LHFPL3: variants seen among roughly 807,000 people sequenced by gnomAD.
The protein encoded by LHFPL3 is LHFPL tetraspan subfamily member 3.
LHFPL3 carries 5 observed loss-of-function variants against 19.3 expected under a neutral mutation model. That is an observed-to-expected ratio of 0.26 (90% confidence interval 0.14 to 0.54). The LOEUF is 0.54. Ranked by LOEUF, LHFPL3 falls within the 20% of genes least tolerant of loss-of-function variation. LHFPL3 has a pLI of 0.94. For synonymous variants in LHFPL3, 133 were observed against 126.2 expected (o/e 1.05, Z -0.36); for missense variants, 249 against 307.4 (o/e 0.81, Z 1.42).
At chr7:104,474,746 A>G (rs1792978945) in intron 1 of LHFPL3, among the ~76,000 whole-genome samples, 1 of 151,994 alleles carries the variant, frequency 6.6e-6, no homozygotes, top group Non-Finnish European at 1.5e-5. Flanking sequence ...CAGCTTCAGA[A>G]TAGGGGATGT....
chr7:104,796,146 G>A (rs1562795831), intron 2 of LHFPL3, among the ~76,000 whole-genome samples: 1 of 152,200 alleles, frequency 6.6e-6, no homozygotes, highest in East Asian at 1.9e-4. Context: ...GCAGCCCCAA[G>A]TTAGGGCTCG....
chr7:104,401,043 A>G (rs1009611337), intron 1 of LHFPL3, among the ~76,000 whole-genome samples: 2 of 152,226 alleles, frequency 1.3e-5, no homozygotes, highest in Non-Finnish European at 2.9e-5. Flanking sequence ...GCTATAAGGA[A>G]TGGCCTAAGA....
chr7:104,772,225 TC>T (rs1026091883), intron 2 of LHFPL3, among the ~76,000 whole-genome samples: 18 of 152,098 alleles, frequency 1.2e-4, no homozygotes, highest in Non-Finnish European at 2.9e-5. Context: ...ATTCTTATTC[TC>T]CCAACCCAGA....
At chr7:104,845,137 C>T (rs552669554) in intron 2 of LHFPL3, among the ~76,000 whole-genome samples, 5 of 152,234 alleles carry the variant, frequency 3.3e-5, no homozygotes, top group African/African-American at 4.8e-5. Flanking sequence ...AACCACAGCA[C>T]GGGAAGGTAA....
intron 1 of LHFPL3, among the ~76,000 whole-genome samples, chr7:104,490,779 T>G (rs1204008143): frequency 1.3e-5 from 2 of 152,234 alleles, no homozygotes; most frequent in Non-Finnish European, 2.9e-5. Flanking sequence ...TAGGGCAATG[T>G]GTAATATGAA....
At chr7:104,623,240 C>T (rs1312713168) in intron 1 of LHFPL3, among the ~76,000 whole-genome samples, 1 of 151,084 alleles carries the variant, frequency 6.6e-6, no homozygotes, top group Non-Finnish European at 1.5e-5. Flanking sequence ...TTTTGCAATG[C>T]AATCTTGATA....
Position 104,558,793 on chromosome 7 carries a change from T to C in LHFPL3, c.446-177882T>C, listed in dbSNP as rs963388900. 1.4e-3 allele frequency among the ~76,000 whole-genome samples: 208 copies of C among 146,416 alleles called. 12 individuals are homozygous for C. The highest frequency in any genetic ancestry group is 5.6e-3 in the African/African-American group (204 of 36,732). On this transcript the variant is annotated intron_variant, in intron 1 of 2. Coordinates refer to ENST00000424859, the MANE Select transcript of LHFPL3 (RefSeq NM_199000.3). ...GAATGGTATTGCCTAGGTTTTCTTC[T>C]AGGGTTTTTATGGTTTTAGGTCTAA...
chr7:104,563,204 C>T (rs2115957424), intron 1 of LHFPL3, among the ~76,000 whole-genome samples: 1 of 152,394 alleles, frequency 6.6e-6, no homozygotes, highest in East Asian at 1.9e-4. Flanking sequence ...CTGTGGTGGG[C>T]TCCACCCAGT....
At chr7:104,737,029 T>G in intron 2 of LHFPL3, 118 bp downstream of exon 2, 1 of 724,498 alleles carries the variant, frequency 1.4e-6, no homozygotes, top group South Asian at 1.8e-5. Flanking sequence ...CTGCCTCTTT[T>G]AATACCGTGT....
rs2116490858 is a variant in LHFPL3, at chr7:104,399,799, A to G, written c.445+70575A>G. Among the ~76,000 whole-genome samples, 1 of 151,644 alleles carries G rather than the reference A, an allele frequency of 6.6e-6. No homozygotes were observed. Among genetic ancestry groups the G allele is most frequent in the Admixed American group, 6.6e-5 (1 of 15,220 alleles). On this transcript the variant is annotated intron_variant, in intron 1 of 2. Coordinates refer to ENST00000424859, the MANE Select transcript of LHFPL3 (RefSeq NM_199000.3). This position sits in a 1 kb window ranked among gnomAD's most constrained non-coding sequence, Gnocchi z 4.4. ...ATGTTCTTCTGTCCTTAAGGTAATT[A>G]TGTTACCATGGAAGTGGCCCCAAAG... is the stretch of plus-strand genomic sequence containing the variant.
intron 2 of LHFPL3, chr7:104,785,820 T>C (rs893879646): frequency 6.6e-6 from 1 of 152,250 alleles, no homozygotes; most frequent in African/African-American, 2.4e-5. Context: ...GCTTTACTGC[T>C]CAAACCTTGA....
intron 1 of LHFPL3, among the ~76,000 whole-genome samples, chr7:104,620,440 T>C (rs1791424131): frequency 6.6e-6 from 1 of 152,268 alleles, no homozygotes. Context: ...CTTGCTTCAT[T>C]GACAAATAGT....
At chr7:104,900,733 G>A (rs1000651986) in intron 2 of LHFPL3, among the ~76,000 whole-genome samples, 2 of 152,148 alleles carry the variant, frequency 1.3e-5, no homozygotes, top group African/African-American at 4.8e-5. Context: ...TAGATAGCCT[G>A]GACAATAGGG....
intron 1 of LHFPL3, among the ~76,000 whole-genome samples, chr7:104,673,631 T>C (rs984497982): frequency 6.6e-6 from 1 of 152,178 alleles, no homozygotes; most frequent in Non-Finnish European, 1.5e-5. Context: ...CAAATAGGCA[T>C]GCAAGTATGG....
At chr7:104,670,610 A>G (rs1792458638) in intron 1 of LHFPL3, among the ~76,000 whole-genome samples, 1 of 152,152 alleles carries the variant, frequency 6.6e-6, no homozygotes, top group Non-Finnish European at 1.5e-5. Context: ...GCTTTTCTCA[A>G]GCAAATCGGT....
chr7:104,848,912 TTG>T (rs1183666828), intron 2 of LHFPL3, among the ~76,000 whole-genome samples: 1 of 149,142 alleles, frequency 6.7e-6, no homozygotes, highest in Non-Finnish European at 1.5e-5. Context: ...TTTTTTTTTG[TTG>T]TTGTTGTTGT....
intron 1 of LHFPL3, among the ~76,000 whole-genome samples, chr7:104,479,663 A>T (rs1271737957): frequency 1.3e-5 from 2 of 152,142 alleles, no homozygotes; most frequent in Non-Finnish European, 2.9e-5. Flanking sequence ...AAGTACTGGG[A>T]TTACAGGCAT....
chr7:104,623,751 G>A (rs1791494482), intron 1 of LHFPL3, among the ~76,000 whole-genome samples: 1 of 152,178 alleles, frequency 6.6e-6, no homozygotes, highest in Non-Finnish European at 1.5e-5. Context: ...GAGAAGCAAG[G>A]TTCCTGGCCC....
rs76967441 is a variant in LHFPL3 at position 104,333,561 on chromosome 7, T to C, written c.445+4337T>C. 7.1e-3 allele frequency among the ~76,000 whole-genome samples: 1,083 copies of C among 152,326 alleles called. 71 individuals carry two copies. In the East Asian group the frequency reaches 0.17, roughly 24 times the overall value. On this transcript the variant is annotated intron_variant, in intron 1 of 2. Transcript: ENST00000424859. ...AAGGGGTAAGGGTTGAATTGTTTAG[T>C]CTGTTACCCCCTAGCCTCCTAGATT...
Sources: gnomAD v4.1 joint callset for allele counts (sites outside exome capture counted in the v4.1 genomes callset) on GRCh38, gnomAD v4.1.1 for gene constraint, Gnocchi (gnomAD v3.1) non-coding constraint, MANE v1.5 for transcripts, NCBI Gene and HGNC (gene_info 2026-07-23, HGNC 2026-07-21) for gene names.